The following SHC2 variants were observed in gnomAD, a reference collection of about 807,000 sequenced individuals.
SHC2 encodes the protein SHC adaptor protein 2.
A neutral mutation model predicts 60.6 loss-of-function variants in SHC2; 62 were observed. That is an observed-to-expected ratio of 1.02 (90% CI 0.83 to 1.26). SHC2 has a LOEUF of 1.26. SHC2 is among the 50% of genes most tolerant of loss of function. SHC2 has a pLI of 0.00. For synonymous variants in SHC2, 375 were observed against 372.4 expected, an observed-to-expected ratio of 1.01 and a Z score of -0.08; for missense variants, 873 against 822.2, an observed-to-expected ratio of 1.06 and a Z score of -0.76.
rs955029301 is a variant in SHC2 at position 424,739 on chromosome 19, G to A, written c.1309+358C>T. ...AGCTTCTCACAGAGCGGGGGCCAGC[G>A]GCATTCCCAACCAGACTGGGGGTTC... On this transcript the variant is annotated intron_variant, in intron 10 of 12. Coordinates refer to ENST00000264554, the MANE Select transcript of SHC2 (RefSeq NM_012435.3). The surrounding 1 kb of genome is among the most constrained non-coding windows in gnomAD (Gnocchi z 4.5). Among the ~76,000 whole-genome samples the A allele has an allele frequency of 7.9e-5, 12 of 152,250 alleles. No homozygotes were observed. Among genetic ancestry groups the A allele is most frequent in the Admixed American group, 2.6e-4 (4 of 15,296 alleles).
At position 422,148 on chromosome 19, in the gene SHC2, C is replaced by A; in HGVS notation, c.1618G>T (p.Val540Leu). 1.2e-6 allele frequency: 2 copies of A among 1,604,618 alleles called. No homozygotes were observed. Among genetic ancestry groups the A allele is most frequent in the Non-Finnish European group, 1.7e-6 (2 of 1,175,104 alleles). The change falls in exon 11 of 13, where the codon GTG (valine) becomes TTG (leucine). Residue 540 changes from valine to leucine, a missense_variant and splice_region_variant. By Grantham distance (32) the Val-to-Leu change is conservative. Transcript: ENST00000264554. This position sits in a 1 kb window ranked among gnomAD's most constrained non-coding sequence, Gnocchi z 5.0. ...CCTCCCACCTGTGCACAGCTTACCA[C>A]GCCCTCGGGGTCCACGAGCAGCAGG... ...KHLLLVDPEG[V>L]VRTKDVLFES... is the part of the protein sequence containing the mutation.
intron 1 of SHC2, among the ~76,000 whole-genome samples, chr19:459,468 A>G (rs1338060221): frequency 7.6e-5 from 11 of 144,852 alleles, no homozygotes; most frequent in Non-Finnish European, 9.1e-5. Flanking sequence ...ACCCCTCTCA[A>G]CTCAGCGTAG....
At chr19:455,227 A>G (rs1009706670) in intron 1 of SHC2, among the ~76,000 whole-genome samples, 9 of 152,206 alleles carry the variant, frequency 5.9e-5, no homozygotes, top group African/African-American at 2.2e-4. Flanking sequence ...GCAGGAGACA[A>G]TCAAGGTCCC....
intron 1 of SHC2, among the ~76,000 whole-genome samples, chr19:449,061 G>A (rs62102127): frequency 1.3e-4 from 20 of 152,288 alleles, no homozygotes; most frequent in African/African-American, 2.9e-4. Context: ...CCAGCTACTC[G>A]GGAGGCTGAG....
rs940899295 is a variant in SHC2, at chr19:424,480, G to C, written c.1309+617C>G. Among the ~76,000 whole-genome samples the C allele has an allele frequency of 3.9e-5, 6 of 152,288 alleles. No individual in the cohort carries two copies. The highest frequency in any genetic ancestry group is 1.4e-4 in the African/African-American group (6 of 41,574). On this transcript the variant is annotated intron_variant, in intron 10 of 12. Coordinates refer to ENST00000264554, the MANE Select transcript of SHC2 (RefSeq NM_012435.3). The surrounding 1 kb of genome is among the most constrained non-coding windows in gnomAD (Gnocchi z 4.5). The stretch of plus-strand genomic sequence containing the variant: ...CCAGAGTCAGCGTGCAAGACCAGCG[G>C]GCCAGGCAGTCGTCCCAGCAGGCCG...
At chr19:450,996 A>G (rs1442233299) in intron 1 of SHC2, among the ~76,000 whole-genome samples, 57 of 123,796 alleles carry the variant, frequency 4.6e-4, no homozygotes, top group East Asian at 8.2e-4. Flanking sequence ...TGGCCACGCC[A>G]TGGCTGTGCC....
In SHC2 at chr19:425,150, C is replaced by A; in HGVS notation, c.1256G>T (p.Gly419Val). The change falls in exon 10 of 13, where the codon GGT becomes GTT. Residue 419 changes from glycine to valine, a missense_variant. Transcript: ENST00000264554. This position sits in a 1 kb window ranked among gnomAD's most constrained non-coding sequence, Gnocchi z 4.1. Reference protein sequence around the residue: ...HEEHLYVNTQGLDAPEPEDSP... With the variant: ...HEEHLYVNTQVLDAPEPEDSP... ...GTCCTCCGGCTCGGGGGCGTCCAGA[C>A]CCTGGGTGTTGACATACAGGTGCTC... 7.2e-7 allele frequency: 1 copy of A among 1,384,744 alleles called. No individual in the cohort carries two copies. Among genetic ancestry groups the A allele is most frequent in the Non-Finnish European group, 9.4e-7 (1 of 1,061,182 alleles). 85.8% of individuals were successfully genotyped at this position (1,384,744 alleles called of 1,614,324 possible). A position where few individuals can be genotyped will look rare whatever the true frequency, so the allele number is the denominator to read the frequency against.
At chr19:433,810 G>T (rs1159800509) in intron 8 of SHC2, among the ~76,000 whole-genome samples, 1 of 11,564 alleles carries the variant, frequency 8.6e-5, no homozygotes, top group Admixed American at 8.6e-4. Context: ...TTCATCGTGA[G>T]TGAGATCGTG....
chr19:436,041 C>T (rs750895785), intron 7 of SHC2, 124 bp downstream of exon 7: 182 of 1,062,476 alleles, frequency 1.7e-4, no homozygotes, highest in Middle Eastern at 2.8e-4. Flanking sequence ...CATATTCTCA[C>T]GGGACAGGGA....
intron 1 of SHC2, among the ~76,000 whole-genome samples, chr19:447,924 C>T (rs1345624883): frequency 2.0e-5 from 3 of 152,304 alleles, no homozygotes; most frequent in Admixed American, 6.5e-5. Context: ...AAAACCAGTG[C>T]GTGAAGGTTT....
intron 7 of SHC2, chr19:435,867 C>A: frequency 2.9e-6 from 1 of 347,462 alleles, no homozygotes. Flanking sequence ...ATTGCGGGAG[C>A]CGGCCGCGCG....
rs1363713115 is a variant in SHC2 at position 438,779 on chromosome 19, A to G, written c.659T>C (p.Met220Thr). Residue 220 changes from methionine to threonine, a missense_variant, in exon 4 of 13, where the codon ATG (methionine) becomes ACG (threonine). By Grantham distance (81) the Met-to-Thr change is moderately conservative. Transcript: ENST00000264554. The surrounding 1 kb of genome is among the most constrained non-coding windows in gnomAD (Gnocchi z 5.0). ...LGKSNLRFAG[M>T]SISIHISTDG... is the part of the protein sequence containing the mutation. ...AGTGGAGATGTGGATGGAGATGCTC[A>G]TGCCGGCAAAGCGAAGGTTGCTCTT... 3.2e-6 allele frequency: 5 copies of G among 1,575,884 alleles called. No individual in the cohort carries two copies. The highest frequency in any genetic ancestry group is 4.3e-6 in the Non-Finnish European group (5 of 1,162,226).
intron 11 of SHC2, 151 bp downstream of exon 11, chr19:421,995 T>C (rs1284095092): frequency 3.9e-6 from 3 of 774,598 alleles, no homozygotes; most frequent in East Asian, 5.6e-5. Flanking sequence ...TTCATAAACA[T>C]GGAAAGCTCC....
chr19:420,692 G>A (rs530825510), intron 11 of SHC2, among the ~76,000 whole-genome samples: 1 of 152,310 alleles, frequency 6.6e-6, no homozygotes, highest in South Asian at 2.1e-4. Flanking sequence ...GCAATTGATG[G>A]TTTTTAAACA....
intron 7 of SHC2, 141 bp downstream of exon 7, chr19:436,024 G>T: frequency 1.1e-6 from 1 of 886,406 alleles, no homozygotes; most frequent in Non-Finnish European, 1.7e-6. Flanking sequence ...GGATCCTCTG[G>T]CTGAGCCATA....
chr19:454,841 G>A (rs865841431), intron 1 of SHC2, among the ~76,000 whole-genome samples: 10 of 152,054 alleles, frequency 6.6e-5, no homozygotes, highest in African/African-American at 2.2e-4. Flanking sequence ...CCTGAGGGCC[G>A]GAAGCCCGTC....
At chr19:454,754 C>G (rs2145754705) in intron 1 of SHC2, among the ~76,000 whole-genome samples, 1 of 152,004 alleles carries the variant, frequency 6.6e-6, no homozygotes, top group South Asian at 2.1e-4. Context: ...CGCGCCACGG[C>G]ACTCCAGCCT....
rs927418341 is a variant in SHC2, at chr19:445,033, G to A, written c.469-4101C>T. The stretch of plus-strand genomic sequence containing the variant: ...CTCCCCCTGCACGACGGGAAGAGGC[G>A]GGGACCTCAGCTCACTGCATGTCCC... On this transcript the variant is annotated intron_variant, in intron 1 of 12. Coordinates refer to ENST00000264554, the MANE Select transcript of SHC2 (RefSeq NM_012435.3). This position sits in a 1 kb window ranked among gnomAD's most constrained non-coding sequence, Gnocchi z 4.4. Among the ~76,000 whole-genome samples, 18 of 152,234 alleles carry A rather than the reference G, an allele frequency of 1.2e-4. No homozygotes were observed. The highest frequency in any genetic ancestry group is 2.6e-4 in the Admixed American group (4 of 15,294).
chr19:439,841 C>T (rs7253983), intron 2 of SHC2, among the ~76,000 whole-genome samples: 3,121 of 152,012 alleles, frequency 0.021, 102 homozygotes, highest in African/African-American at 0.071. Context: ...GTCTGACCAA[C>T]ATGGAGAAAC....
Sources: allele counts gnomAD v4.1 joint callset (sites outside exome capture counted in the v4.1 genomes callset), GRCh38; gene constraint gnomAD v4.1.1; non-coding constraint Gnocchi (gnomAD v3.1); transcripts MANE v1.5; gene names NCBI Gene and HGNC (gene_info 2026-07-23, HGNC 2026-07-21).